The following OR3A2 variants were observed in gnomAD, a reference collection of about 807,000 sequenced individuals.
OR3A2 encodes olfactory receptor 3A2.
For synonymous variants in OR3A2, 126 were observed against 159.3 expected, an observed-to-expected ratio of 0.79 and a Z score of 1.57; for missense variants, 318 against 392.8, an observed-to-expected ratio of 0.81 and a Z score of 1.61.
Position 3,292,182 on chromosome 17 carries a change from G to A in OR3A2, c.-84-13029C>T, listed in dbSNP as rs776145476. The A allele has an allele frequency of 5.0e-6, 8 of 1,614,186 alleles. No homozygotes were observed. The highest frequency in any genetic ancestry group is 1.6e-4 in the Middle Eastern group (1 of 6,062). On this transcript the variant is annotated intron_variant, in intron 3 of 4. Transcript: ENST00000573491. ...TGTCTGACTCATGCGGGTGCTGTAG[G>A]TGAGGGGCCGGCAGATGGCCAGGAA...
At chr17:3,340,795 G>A (rs2049310409) in intron 2 of OR3A2, among the ~76,000 whole-genome samples, 1 of 152,186 alleles carries the variant, frequency 6.6e-6, no homozygotes, top group South Asian at 2.1e-4. Context: ...TTGGTGCAGA[G>A]CTGAGTTCAA....
upstream of OR3A2, among the ~76,000 whole-genome samples, chr17:3,288,521 T>G (rs548574301): frequency 1.3e-5 from 2 of 152,322 alleles, no homozygotes; most frequent in African/African-American, 4.8e-5. Flanking sequence ...TTTCTCAGAA[T>G]GTATCCCCGT....
chr17:3,317,407 G>A (rs547384487), intron 3 of OR3A2, among the ~76,000 whole-genome samples: 2 of 152,322 alleles, frequency 1.3e-5, no homozygotes, highest in Non-Finnish European at 2.9e-5. Flanking sequence ...AGAATATAAG[G>A]ACAAATAAAT....
intron 2 of OR3A2, among the ~76,000 whole-genome samples, chr17:3,371,378 C>G (rs532665504): frequency 2.8e-5 from 4 of 145,106 alleles, no homozygotes; most frequent in Non-Finnish European, 4.6e-5. Flanking sequence ...GGGGGCTGAC[C>G]CCCCCACCTC....
In OR3A2 at chr17:3,358,554, C is replaced by A. The variant is rs574798974; in HGVS notation, c.-178-22428G>T. On this transcript the variant is annotated intron_variant, in intron 2 of 4. Transcript: ENST00000573491. ...TATTTATTCAAAAGTCATTCAGGAG[C>A]ATGTTGTTTAATTTCCATGTAATTG... is the stretch of plus-strand genomic sequence containing the variant. Among the ~76,000 whole-genome samples, 3 of 151,564 alleles carry A rather than the reference C, an allele frequency of 2.0e-5. No homozygotes were observed. The South Asian group carries it at 6.2e-4, about 31-fold the overall frequency.
At chr17:3,291,302 A>T (rs1325270927) in intron 3 of OR3A2, 1 of 226,196 alleles carries the variant, frequency 4.4e-6, no homozygotes, top group Non-Finnish European at 8.6e-6. Flanking sequence ...ACTTCTGGCA[A>T]CTAAGGCTGT....
At chr17:3,362,347 T>G (rs1375026047) in intron 2 of OR3A2, among the ~76,000 whole-genome samples, 1 of 151,684 alleles carries the variant, frequency 6.6e-6, no homozygotes, top group Non-Finnish European at 1.5e-5. Context: ...ATCAATTTTG[T>G]TCATCTTTTC....
At chr17:3,360,939 T>C (rs1280307917) in intron 2 of OR3A2, among the ~76,000 whole-genome samples, 1 of 151,634 alleles carries the variant, frequency 6.6e-6, no homozygotes, top group Non-Finnish European at 1.5e-5. Context: ...AAGTAGTTTT[T>C]CCCAATTCTG....
chr17:3,322,207 T>A (rs979367227), intron 3 of OR3A2, among the ~76,000 whole-genome samples: 1 of 152,168 alleles, frequency 6.6e-6, no homozygotes, highest in Non-Finnish European at 1.5e-5. Flanking sequence ...TTCTGTGGGA[T>A]CGGTGGTGAT....
chr17:3,286,404 G>A (rs972513605), upstream of OR3A2, among the ~76,000 whole-genome samples: 1 of 152,186 alleles, frequency 6.6e-6, no homozygotes, highest in Non-Finnish European at 1.5e-5. Context: ...ATAGTAGAAT[G>A]ATTTATATTC....
chr17:3,367,386 CCA>C (rs2049573103), intron 2 of OR3A2, among the ~76,000 whole-genome samples: 4 of 151,726 alleles, frequency 2.6e-5, no homozygotes. Context: ...TCCCAAGTCC[CCA>C]GAGTTCATTA....
In OR3A2 at chr17:3,332,417, G is replaced by A. The variant is rs553927909; in HGVS notation, c.-85+3616C>T. Among the ~76,000 whole-genome samples the A allele has an allele frequency of 1.8e-3, 272 of 152,142 alleles. 1 individual carries two copies. Among genetic ancestry groups the A allele is most frequent in the African/African-American group, 5.9e-3 (244 of 41,546 alleles). On this transcript the variant is annotated intron_variant, in intron 3 of 4. Transcript: ENST00000573491. ...GGTGCAGGATATAATCTCATGGTGT[G>A]CTGCAGTCCGAAAAGCGCAATATTC...
At chr17:3,340,711 A>T (rs1414093605) in intron 2 of OR3A2, among the ~76,000 whole-genome samples, 2 of 149,880 alleles carry the variant, frequency 1.3e-5, no homozygotes, top group Non-Finnish European at 3.0e-5. Context: ...GAATAAGTGC[A>T]ATGTGGTGCT....
chr17:3,304,576 T>C (rs1714470487), intron 3 of OR3A2, among the ~76,000 whole-genome samples: 2 of 152,190 alleles, frequency 1.3e-5, no homozygotes. Flanking sequence ...CTGTTTAAAA[T>C]GGGAGAGTAA....
intron 2 of OR3A2, chr17:3,377,705 AT>A (rs1461492787): frequency 6.6e-6 from 1 of 152,290 alleles, no homozygotes; most frequent in African/African-American, 2.4e-5. Flanking sequence ...GACTCTGAGG[AT>A]AGCTGAGACC....
At position 3,317,768 on chromosome 17, in the gene OR3A2, G is replaced by A. The variant is rs7214511; in HGVS notation, c.-85+18265C>T. ...TGAGTTGAAGGAGTTACCCTATTTC[G>A]AGAGTTGTGCCCTCTCTCTAACAAA... On this transcript the variant is annotated intron_variant, in intron 3 of 4. Transcript: ENST00000573491. 8.0e-3 allele frequency among the ~76,000 whole-genome samples: 1,223 copies of A among 151,994 alleles called. 12 individuals carry two copies. Among genetic ancestry groups the A allele is most frequent in the African/African-American group, 0.028 (1,142 of 41,420 alleles).
chr17:3,299,127 A>C (rs1262317346), intron 3 of OR3A2, among the ~76,000 whole-genome samples: 1 of 152,086 alleles, frequency 6.6e-6, no homozygotes, highest in African/African-American at 2.4e-5. Flanking sequence ...AGTCCAGAGA[A>C]TTTATTCATC....
chr17:3,283,015 CTCTTCT>C (rs1270725489), intron 1 of OR3A2, among the ~76,000 whole-genome samples: 1 of 143,878 alleles, frequency 7.0e-6, no homozygotes, highest in Admixed American at 7.1e-5. Flanking sequence ...TTCTGCTCTC[CTCTTCT>C]GTCTCTTTCT....
chr17:3,384,638 G>A (rs230413), intron 1 of OR3A2, among the ~76,000 whole-genome samples: 62,613 of 151,806 alleles, frequency 0.41, 13,194 homozygotes, highest in Admixed American at 0.52. Context: ...GCTACTGCAC[G>A]TCAAACTGTT....
Sources: allele counts gnomAD v4.1 joint callset (sites outside exome capture counted in the v4.1 genomes callset), GRCh38; gene constraint gnomAD v4.1.1; transcripts MANE v1.5; gene names NCBI Gene and HGNC (gene_info 2026-07-23, HGNC 2026-07-21).